SCAPER: variants seen among roughly 807,000 people sequenced by gnomAD.
SCAPER encodes the protein S-phase cyclin A associated protein in the ER, also known as S phase cyclin A-associated protein in the endoplasmic reticulum.
In SCAPER, 98 loss-of-function variants were observed where a neutral mutation model predicts 182.2. The observed-to-expected ratio is 0.54, with a 90% confidence interval of 0.46 to 0.64. SCAPER has a LOEUF of 0.64. Among genes scored for constraint, SCAPER ranks in the 30% least tolerant of loss-of-function variants. The probability of loss-of-function intolerance (pLI) is 0.00; values close to 1 mark genes in which losing one functional copy is unlikely to be tolerated. For missense variants in SCAPER, 1,432 were observed against 1,690.0 expected, an observed-to-expected ratio of 0.85 and a Z score of 2.68; for synonymous variants, 605 against 564.6, an observed-to-expected ratio of 1.07 and a Z score of -1.01.
At chr15:76,473,726 A>G (rs2050385937) in intron 24 of SCAPER, among the ~76,000 whole-genome samples, 2 of 152,180 alleles carry the variant, frequency 1.3e-5, no homozygotes, top group African/African-American at 2.4e-5. Flanking sequence ...TATTCAAGTT[A>G]GAGAACCACT....
At chr15:76,724,281 C>T (rs1298531031) in intron 17 of SCAPER, among the ~76,000 whole-genome samples, 4 of 152,282 alleles carry the variant, frequency 2.6e-5, no homozygotes, top group South Asian at 2.1e-4. Flanking sequence ...TATAGAGTTT[C>T]TGCCGAGAGA....
chr15:76,454,305 T>C (rs117820113), intron 25 of SCAPER, among the ~76,000 whole-genome samples: 1,893 of 152,320 alleles, frequency 0.012, 23 homozygotes, highest in Non-Finnish European at 0.018. Flanking sequence ...TTAAGAGATA[T>C]TGTATTTGAC....
chr15:76,446,483 G>A (rs1418265613), intron 25 of SCAPER, among the ~76,000 whole-genome samples: 1 of 152,164 alleles, frequency 6.6e-6, no homozygotes, highest in African/African-American at 2.4e-5. Context: ...CAAGAACCTG[G>A]GGAAGTTTTA....
At position 76,834,433 on chromosome 15, in the gene SCAPER, G is replaced by C. The variant is rs2068760082; in HGVS notation, c.393+7301C>G. On this transcript the variant is annotated intron_variant, in intron 5 of 31. Coordinates refer to ENST00000563290, the MANE Select transcript of SCAPER (RefSeq NM_020843.4). ...AATTAACAACTTAACATCATACCTA[G>C]AGGAAGTCAAAGAAAAAACACACGG... Among the ~76,000 whole-genome samples, 3 of 151,992 alleles carry C rather than the reference G, an allele frequency of 2.0e-5. No individual in the cohort carries two copies. In the South Asian group the frequency reaches 6.2e-4, roughly 32 times the overall value.
intron 25 of SCAPER, among the ~76,000 whole-genome samples, chr15:76,463,620 A>C (rs1312898371): frequency 6.6e-6 from 1 of 152,216 alleles, no homozygotes; most frequent in African/African-American, 2.4e-5. Context: ...ACTATGAATT[A>C]AAAATAAGAC....
At chr15:76,422,007 C>T (rs931833252) in intron 26 of SCAPER, among the ~76,000 whole-genome samples, 2 of 152,158 alleles carry the variant, frequency 1.3e-5, no homozygotes, top group Non-Finnish European at 2.9e-5. Flanking sequence ...CAGTACCATG[C>T]TGTTTTGGTT....
intron 22 of SCAPER, among the ~76,000 whole-genome samples, chr15:76,608,241 G>T (rs1352930837): frequency 6.6e-6 from 1 of 152,164 alleles, no homozygotes; most frequent in Non-Finnish European, 1.5e-5. Context: ...TAACAGACAG[G>T]ACCCTCAGCT....
chr15:76,466,425 T>C (rs2049645857), intron 25 of SCAPER, among the ~76,000 whole-genome samples: 1 of 121,028 alleles, frequency 8.3e-6, no homozygotes, highest in Non-Finnish European at 1.6e-5. Flanking sequence ...TCTTCTTTTT[T>C]TTTTTTTTTT....
chr15:76,710,541 C>A (rs1227915947), intron 17 of SCAPER, among the ~76,000 whole-genome samples: 1 of 151,994 alleles, frequency 6.6e-6, no homozygotes, highest in African/African-American at 2.4e-5. Flanking sequence ...TTTACAGCAG[C>A]TTTAAAGAGT....
intron 22 of SCAPER, among the ~76,000 whole-genome samples, chr15:76,577,221 G>A (rs960724658): frequency 4.3e-4 from 65 of 152,184 alleles, no homozygotes; most frequent in African/African-American, 1.4e-3. Context: ...TGAGGCAAGC[G>A]GATTGCTTGG....
intron 26 of SCAPER, among the ~76,000 whole-genome samples, chr15:76,405,994 G>A (rs951012029): frequency 6.6e-6 from 1 of 151,934 alleles, no homozygotes; most frequent in African/African-American, 2.4e-5. Context: ...GTATCTACCT[G>A]GGCTACTGAG....
At chr15:76,776,121 A>C (rs1437358699) in intron 8 of SCAPER, among the ~76,000 whole-genome samples, 1 of 152,134 alleles carries the variant, frequency 6.6e-6, no homozygotes, top group Admixed American at 6.5e-5. Flanking sequence ...AAAGTAGCAA[A>C]CTGGTGAGTT....
intron 2 of SCAPER, among the ~76,000 whole-genome samples, chr15:76,868,313 AGCCTGGGAGCTCAAG>A (rs2072440372): frequency 6.6e-6 from 1 of 152,162 alleles, no homozygotes; most frequent in Non-Finnish European, 1.5e-5. Context: ...GAATTGCTTC[AGCCTGGGAGCTCAAG>A]GCTGCAGTGA....
chr15:76,678,428 A>T (rs924517075), intron 20 of SCAPER, among the ~76,000 whole-genome samples: 2 of 151,928 alleles, frequency 1.3e-5, no homozygotes, highest in Admixed American at 6.6e-5. Context: ...TTTTCCTCAC[A>T]TTTAAAAAAT....
intron 23 of SCAPER, among the ~76,000 whole-genome samples, chr15:76,563,617 T>G (rs2046811347): frequency 6.6e-6 from 1 of 152,186 alleles, no homozygotes; most frequent in Non-Finnish European, 1.5e-5. Context: ...CTATTCCTAC[T>G]GAAACTGTTC....
At chr15:76,863,794 G>A (rs992427885) in intron 2 of SCAPER, among the ~76,000 whole-genome samples, 1 of 152,146 alleles carries the variant, frequency 6.6e-6, no homozygotes, top group African/African-American at 2.4e-5. Context: ...TAACTTCTGA[G>A]ACTAGGTCAT....
chr15:76,575,204 T>G (rs1298234344), intron 22 of SCAPER, among the ~76,000 whole-genome samples: 15 of 152,102 alleles, frequency 9.9e-5, no homozygotes, highest in African/African-American at 3.4e-4. Flanking sequence ...TGAAAACAAC[T>G]GGCAGACTTT....
At chr15:76,617,296 G>A (rs1381340111) in intron 22 of SCAPER, among the ~76,000 whole-genome samples, 1 of 152,126 alleles carries the variant, frequency 6.6e-6, no homozygotes, top group Non-Finnish European at 1.5e-5. Context: ...TGATTAATCA[G>A]TAATTTAACT....
At chr15:76,766,046 G>A (rs1252070495) in intron 11 of SCAPER, among the ~76,000 whole-genome samples, 1 of 151,708 alleles carries the variant, frequency 6.6e-6, no homozygotes, top group Non-Finnish European at 1.5e-5. Context: ...TATATCCTAA[G>A]CACTTAGTAA....
Sources: allele counts gnomAD v4.1 joint callset (sites outside exome capture counted in the v4.1 genomes callset), GRCh38; gene constraint gnomAD v4.1.1; transcripts MANE v1.5; gene names NCBI Gene and HGNC (gene_info 2026-07-23, HGNC 2026-07-21).